The following ASXL1 variants were observed in gnomAD, a reference collection of about 807,000 sequenced individuals.
ASXL1 encodes the protein ASXL transcriptional regulator 1.
In ASXL1, 65 loss-of-function variants were observed where a neutral mutation model predicts 89.1. The ratio of observed to expected loss-of-function variants is 0.73; its 90% confidence interval spans 0.60 to 0.90. The LOEUF (loss-of-function observed/expected upper bound fraction) is 0.90. Among genes scored for constraint, ASXL1 ranks in the 40% least tolerant of loss-of-function variants. The pLI is 0.00. For synonymous variants in ASXL1, 739 were observed against 746.9 expected (o/e 0.99, Z 0.17); for missense variants, 1,786 against 1,942.9 (o/e 0.92, Z 1.52).
chr20:32,421,172 A>T (rs1310146410), intron 4 of ASXL1, among the ~76,000 whole-genome samples: 1 of 151,886 alleles, frequency 6.6e-6, no homozygotes, highest in Non-Finnish European at 1.5e-5. Flanking sequence ...CCACCATGGC[A>T]CATGTATGCT....
chr20:32,435,874 A>G lies in ASXL1; in HGVS notation c.3162A>G (p.Thr1054=). The G allele has an allele frequency of 1.2e-6, 2 of 1,614,216 alleles. No individual in the cohort carries two copies. The highest frequency in any genetic ancestry group is 1.1e-5 in the South Asian group (1 of 91,088). ...TGAATGGTGACATGCGTCTGGTTAC[A>G]AGGACAGATGGGATGGTTGCTCCTC... ...SKVNGDMRLV[T]RTDGMVAPQS... The change falls in exon 13 of 13, where the codon ACA becomes ACG. Residue 1054 remains threonine, a synonymous_variant. Transcript: ENST00000375687.
chr20:32,380,835 C>T (rs902712415), intron 4 of ASXL1, among the ~76,000 whole-genome samples: 3 of 152,138 alleles, frequency 2.0e-5, no homozygotes, highest in Admixed American at 2.0e-4. Flanking sequence ...GATTTAGATA[C>T]AACAAAATCA....
At chr20:32,392,259 C>A (rs563029452) in intron 4 of ASXL1, among the ~76,000 whole-genome samples, 1 of 149,530 alleles carries the variant, frequency 6.7e-6, no homozygotes, top group Non-Finnish European at 1.5e-5. Context: ...GGATTACAGG[C>A]GTGTGCCACC....
intron 4 of ASXL1, among the ~76,000 whole-genome samples, chr20:32,388,326 C>T (rs1318066394): frequency 6.6e-6 from 1 of 152,146 alleles, no homozygotes; most frequent in Non-Finnish European, 1.5e-5. Flanking sequence ...AGGCATGCAC[C>T]ACCATGCCTG....
chr20:32,386,834 CT>C (rs1266966293), intron 4 of ASXL1, among the ~76,000 whole-genome samples: 2 of 118,370 alleles, frequency 1.7e-5, no homozygotes, highest in Non-Finnish European at 3.6e-5. Flanking sequence ...TTTTTAGGAT[CT>C]TTTTTTCCAC....
chr20:32,435,004 AC>A lies in ASXL1; in HGVS notation c.2293del (p.Leu765CysfsTer7). 6.2e-7 allele frequency: 1 copy of A among 1,614,152 alleles called. No individual in the cohort carries two copies. The highest frequency in any genetic ancestry group is 2.2e-5 in the East Asian group (1 of 44,872). On this transcript the variant is annotated frameshift_variant, in exon 13 of 13. Transcript: ENST00000375687. LOFTEE classifies it low-confidence loss of function (END_TRUNC). ...GDQPCQALPLLSSQTSVAERL... is the reference protein window; with the variant it reads ...GDQPCQALPLXSSQTSVAERL... ...ACCAGCCATGCCAGGCCTTGCCCCT[AC>A]TGTCCTCCCAAACCTCAGTAGCTGA...
rs1382217601 is a variant in ASXL1, at chr20:32,433,304, A to T, written c.1106A>T (p.Glu369Val). 2 of 1,614,176 alleles carry T rather than the reference A, an allele frequency of 1.2e-6. No individual in the cohort carries two copies. Among genetic ancestry groups the T allele is most frequent in the Non-Finnish European group, 1.7e-6 (2 of 1,180,022 alleles). The change falls in exon 12 of 13, where the codon GAG becomes GTG. Residue 369 changes from glutamate (E) to valine (V), a missense_variant. Around this residue, in one of 3 missense-constraint regions of ASXL1, gnomAD observed 1,418 missense variants for 1,427.8 expected, o/e 0.99. Transcript: ENST00000375687. ...TGCAGGCTGGGTTTGACCAAAGAAG[A>T]GTCATTGCAGCAGAACGTGGGCCAG... The part of the protein sequence containing the change: ...YGQKLGLTKE[E>V]SLQQNVGQEE...
chr20:32,414,656 T>C (rs2049106836), intron 4 of ASXL1, among the ~76,000 whole-genome samples: 1 of 152,242 alleles, frequency 6.6e-6, no homozygotes, highest in Non-Finnish European at 1.5e-5. Flanking sequence ...TGTGATTATC[T>C]TTCATATAAC....
At chr20:32,411,046 ATAAAAAAAAT>A (rs1240527683) in intron 4 of ASXL1, among the ~76,000 whole-genome samples, 34,849 of 106,200 alleles carry the variant, frequency 0.33, 8,791 homozygotes, top group East Asian at 0.69. Flanking sequence ...AAAAAAAAAA[ATAAAAAAAAT>A]AAAAAAAAAT....
Position 32,367,825 on chromosome 20 carries a change from T to C in ASXL1, c.143+96T>C, listed in dbSNP as rs370258793. 48 of 774,012 alleles carry C rather than the reference T, an allele frequency of 6.2e-5. No homozygotes were observed. The East Asian group carries it at 1.0e-3, about 16-fold the overall frequency. 47.9% of individuals were successfully genotyped at this position (774,012 alleles called of 1,614,324 possible). A position where few individuals can be genotyped will look rare whatever the true frequency, so the allele number is the denominator to read the frequency against. ...ATTATGAAGCAGTCATGATGGCTCATGATGAGTGAGCAGCTCTGTAATTTG... is the reference window on the plus strand; with the variant it reads ...ATTATGAAGCAGTCATGATGGCTCACGATGAGTGAGCAGCTCTGTAATTTG... On this transcript the variant is annotated intron_variant, in intron 3 of 12. Transcript: ENST00000375687.
chr20:32,411,042 A>T (rs1600542082), intron 4 of ASXL1, among the ~76,000 whole-genome samples: 1 of 49,854 alleles, frequency 2.0e-5, no homozygotes, highest in African/African-American at 5.8e-5. Context: ...AAAAAAAAAA[A>T]AAAATAAAAA....
At chr20:32,370,446 T>C (rs1229350886) in intron 4 of ASXL1, among the ~76,000 whole-genome samples, 1 of 152,128 alleles carries the variant, frequency 6.6e-6, no homozygotes. Context: ...CAAATGTTTG[T>C]TTTACTTACG....
chr20:32,359,208 A>G (rs1600456231), intron 1 of ASXL1: 1 of 697,554 alleles, frequency 1.4e-6, no homozygotes, highest in Non-Finnish European at 2.6e-6. Context: ...GGTTTCCGGG[A>G]AGGGTCGGAA....
rs1366033786 is a variant in ASXL1 at position 32,434,859 on chromosome 20, C to T, written c.2147C>T (p.Ala716Val). The change falls in exon 13 of 13, where the codon GCT becomes GTT. Residue 716 changes from alanine to valine, a missense_variant. By Grantham distance (64) the Ala-to-Val change is moderately conservative. Around this residue, in one of 3 missense-constraint regions of ASXL1, gnomAD observed 1,418 missense variants for 1,427.8 expected, o/e 0.99. Coordinates refer to ENST00000375687, the MANE Select transcript of ASXL1 (RefSeq NM_015338.6). ...CAGGCCGGAACTGCCATGTCCAGAG[C>T]TAGGAGAGAGGACCTGCCTTCTCTG... ...HTQAGTAMSR[A>V]RREDLPSLRK... 1.2e-6 allele frequency: 2 copies of T among 1,614,144 alleles called. No homozygotes were observed. Among genetic ancestry groups the T allele is most frequent in the East Asian group, 2.2e-5 (1 of 44,880 alleles).
intron 4 of ASXL1, among the ~76,000 whole-genome samples, chr20:32,413,110 A>G (rs1453210319): frequency 6.6e-6 from 1 of 152,166 alleles, no homozygotes; most frequent in East Asian, 1.9e-4. Flanking sequence ...CGATAGAGTA[A>G]TTTCCAGAAT....
intron 4 of ASXL1, among the ~76,000 whole-genome samples, chr20:32,417,953 C>T (rs1190773288): frequency 1.3e-5 from 2 of 151,732 alleles, no homozygotes; most frequent in East Asian, 1.9e-4. Flanking sequence ...CTGAGGCAGG[C>T]GAATCACGAG....
At chr20:32,382,608 C>CA (rs11347237) in intron 4 of ASXL1, among the ~76,000 whole-genome samples, 2,936 of 95,618 alleles carry the variant, frequency 0.031, 110 homozygotes, top group Admixed American at 0.094. Context: ...CTCGTCTCTA[C>CA]AAAAAAAAAA....
At chr20:32,365,360 T>C (rs2048187671) in intron 1 of ASXL1, among the ~76,000 whole-genome samples, 1 of 152,140 alleles carries the variant, frequency 6.6e-6, no homozygotes, top group South Asian at 2.1e-4. Flanking sequence ...AACCTTGACT[T>C]TGGTGCTGAG....
At chr20:32,370,435 A>G (rs1227230584) in intron 4 of ASXL1, among the ~76,000 whole-genome samples, 1 of 152,134 alleles carries the variant, frequency 6.6e-6, no homozygotes, top group African/African-American at 2.4e-5. Flanking sequence ...AAATTTATTT[A>G]CAAATGTTTG....
Sources: gnomAD v4.1 joint callset for allele counts (sites outside exome capture counted in the v4.1 genomes callset) on GRCh38, gnomAD v4.1.1 for gene constraint, gnomAD v4.1.1 regional missense constraint, MANE v1.5 for transcripts, NCBI Gene and HGNC (gene_info 2026-07-23, HGNC 2026-07-21) for gene names.